Variants in PRRG4 observed in about 807,000 individuals in gnomAD.
PRRG4 encodes the protein proline rich and Gla domain 4, also known as transmembrane gamma-carboxyglutamic acid protein 4.
A neutral mutation model predicts 20.0 loss-of-function variants in PRRG4; 12 were observed. The observed-to-expected ratio is 0.60, with a 90% CI of 0.38 to 0.97. PRRG4 has a LOEUF of 0.97. Among genes scored for constraint, PRRG4 ranks in the 50% least tolerant of loss-of-function variants. The probability of loss-of-function intolerance (pLI) is 0.00; values close to 1 mark genes in which losing one functional copy is unlikely to be tolerated. For missense variants in PRRG4, 199 were observed against 265.1 expected, an observed-to-expected ratio of 0.75 and a Z score of 1.73; for synonymous variants, 94 against 96.4, an observed-to-expected ratio of 0.98 and a Z score of 0.15.
At chr11:32,839,688 AGT>A (rs71889046) in intron 4 of PRRG4, among the ~76,000 whole-genome samples, 8,039 of 128,394 alleles carry the variant, frequency 0.063, 363 homozygotes, top group Non-Finnish European at 0.085. Flanking sequence ...TTAAAATATA[AGT>A]ATTATATTTT....
chr11:32,856,290 T>C lies in PRRG4; in HGVS notation c.*2763T>C, dbSNP rs1039838706. 6 of 152,344 alleles carry C rather than the reference T, an allele frequency of 3.9e-5. No homozygotes were observed. Among genetic ancestry groups the C allele is most frequent in the African/African-American group, 1.4e-4 (6 of 41,578 alleles). 9.4% of individuals were successfully genotyped at this position (152,344 alleles called of 1,614,324 possible). On this transcript the variant is annotated 3_prime_UTR_variant, in exon 6 of 6. Transcript: ENST00000257836. ...CAAGCAGCTGCCTAGATTTGTCTAC[T>C]GCTATCATTTTGTGTAAAGCAGTTG...
chr11:32,830,163 G>C lies in PRRG4; in HGVS notation c.-33G>C. 1 of 1,025,014 alleles carries C rather than the reference G, an allele frequency of 9.8e-7. No individual in the cohort carries two copies. The highest frequency in any genetic ancestry group is 4.6e-5 in the South Asian group (1 of 21,920). 63.5% of individuals were successfully genotyped at this position (1,025,014 alleles called of 1,614,324 possible). ...CCCGGGGGCTGCTGGAACATGTGCG[G>C]GGGGACACAGGTACGAGGCCTGGCG... On this transcript the variant is annotated 5_prime_UTR_variant, in exon 1 of 6. Coordinates refer to ENST00000257836, the MANE Select transcript of PRRG4 (RefSeq NM_024081.6).
chr11:32,837,148 G>A (rs888232132), intron 3 of PRRG4, among the ~76,000 whole-genome samples: 1 of 151,230 alleles, frequency 6.6e-6, no homozygotes, highest in African/African-American at 2.4e-5. Flanking sequence ...CATTTATGGC[G>A]GAGTGAATTT....
chr11:32,829,891 C>T, upstream of PRRG4: 3 of 985,494 alleles, frequency 3.0e-6, no homozygotes, highest in Non-Finnish European at 3.6e-6. Context: ...AGGTGGGGCG[C>T]GGCCAGGTGT....
rs1253960112 is a variant in PRRG4, at chr11:32,855,454, A to G, written c.*1927A>G. ...TGATCATTGTTTATTTTGTTTTATA[A>G]TTTTTACAGGAGTGAGACTGCAAAC... is the stretch of plus-strand genomic sequence containing the variant. On this transcript the variant is annotated 3_prime_UTR_variant, in exon 6 of 6. Transcript: ENST00000257836. 1 of 152,132 alleles carries G rather than the reference A, an allele frequency of 6.6e-6. No individual in the cohort carries two copies. The highest frequency in any genetic ancestry group is 1.5e-5 in the Non-Finnish European group (1 of 68,004). The allele number at this position is 152,132 out of a possible 1,614,324, so 9.4% of individuals were successfully genotyped here. A position where few individuals can be genotyped will look rare whatever the true frequency, so the allele number is the denominator to read the frequency against.
chr11:32,830,404 C>A (rs1468385803), intron 1 of PRRG4, 104 bp from the exon 2 acceptor site: 7 of 1,015,770 alleles, frequency 6.9e-6, no homozygotes, highest in Middle Eastern at 3.4e-4. Flanking sequence ...GGCGCTCTTG[C>A]GCCTAGGCTT....
Position 32,840,371 on chromosome 11 carries a change from G to A in PRRG4, c.449+132G>A. 1.5e-6 allele frequency: 1 copy of A among 671,236 alleles called. No homozygotes were observed. Among genetic ancestry groups the A allele is most frequent in the East Asian group, 2.6e-5 (1 of 38,026 alleles). The allele number at this position is 671,236 out of a possible 1,614,324, so 41.6% of individuals were successfully genotyped here. ...TTTGGAAGAATTTTAGATGTATAGG[G>A]AAGTTGCAAAGGTTAATACAGAGAG... On this transcript the variant is annotated intron_variant, in intron 5 of 5. Coordinates refer to ENST00000257836, the MANE Select transcript of PRRG4 (RefSeq NM_024081.6). This position sits in a 1 kb window ranked among gnomAD's most constrained non-coding sequence, Gnocchi z 4.1.
In PRRG4 at chr11:32,856,165, A is replaced by C. The variant is rs1347410906; in HGVS notation, c.*2638A>C. ...TAAGATATGTATGTATCTTGCACTGAATCATAATTTGAAATATTTCATGAA... is the reference window on the plus strand; with the variant it reads ...TAAGATATGTATGTATCTTGCACTGCATCATAATTTGAAATATTTCATGAA... On this transcript the variant is annotated 3_prime_UTR_variant, in exon 6 of 6. Transcript: ENST00000257836. The C allele has an allele frequency of 6.6e-6, 1 of 152,170 alleles. No homozygotes were observed. Among genetic ancestry groups the C allele is most frequent in the Non-Finnish European group, 1.5e-5 (1 of 68,034 alleles). The allele number at this position is 152,170 out of a possible 1,614,324, so 9.4% of individuals were successfully genotyped here.
rs531609744 is a variant in PRRG4, at chr11:32,855,146, CAAAAGG to C, written c.*1624_*1629del. On this transcript the variant is annotated 3_prime_UTR_variant, in exon 6 of 6. Coordinates refer to ENST00000257836, the MANE Select transcript of PRRG4 (RefSeq NM_024081.6). ...TTGCATCTCTTAATATGTCTGAACA[CAAAAGG>C]AAAACACCATAATCATATAAACCCA... is the stretch of plus-strand genomic sequence containing the variant. 26 of 152,284 alleles carry C rather than the reference CAAAAGG, an allele frequency of 1.7e-4. 1 individual carries two copies. The East Asian group carries it at 2.9e-3, about 17-fold the overall frequency. The allele number at this position is 152,284 out of a possible 1,614,324, so 9.4% of individuals were successfully genotyped here. A position where few individuals can be genotyped will look rare whatever the true frequency, so the allele number is the denominator to read the frequency against.
At chr11:32,839,643 A>G (rs1173575504) in intron 4 of PRRG4, among the ~76,000 whole-genome samples, 1 of 145,108 alleles carries the variant, frequency 6.9e-6, no homozygotes, top group Non-Finnish European at 1.5e-5. Context: ...TATTTTGAAT[A>G]TTATTAAAAT....
chr11:32,830,487 A>G (rs1362403366), intron 1 of PRRG4, 21 bp from the exon 2 acceptor site: 3 of 1,406,690 alleles, frequency 2.1e-6, no homozygotes, highest in South Asian at 1.6e-5. Flanking sequence ...TTTTTTTAAT[A>G]TTTTTTTTTG....
intron 5 of PRRG4, among the ~76,000 whole-genome samples, chr11:32,849,339 G>A (rs1311343621): frequency 6.6e-6 from 1 of 151,980 alleles, no homozygotes; most frequent in Admixed American, 6.6e-5. Context: ...CAGCCTGGGT[G>A]GCAGAGCAAG....
At chr11:32,850,289 C>CT (rs1427551781) in intron 5 of PRRG4, among the ~76,000 whole-genome samples, 1 of 151,982 alleles carries the variant, frequency 6.6e-6, no homozygotes, top group East Asian at 1.9e-4. Flanking sequence ...CACCTTTTAC[C>CT]TTTTTTTTCC....
intron 2 of PRRG4, among the ~76,000 whole-genome samples, chr11:32,833,719 A>C (rs1850995649): frequency 6.6e-6 from 1 of 152,220 alleles, no homozygotes; most frequent in Admixed American, 6.5e-5. Context: ...GAGTTTGTTC[A>C]TTCAGTCAGT....
In PRRG4 at chr11:32,853,735, G is replaced by A. The variant is rs181339218; in HGVS notation, c.*208G>A. Reference sequence around the variant, plus strand: ...CCCACCTACTTGGGAGGCTGAAGCAGGAGAATTGCTCGAACCTGGGAGGCA... The same window carrying A: ...CCCACCTACTTGGGAGGCTGAAGCAAGAGAATTGCTCGAACCTGGGAGGCA... On this transcript the variant is annotated 3_prime_UTR_variant, in exon 6 of 6. Coordinates refer to ENST00000257836, the MANE Select transcript of PRRG4 (RefSeq NM_024081.6). The A allele has an allele frequency of 3.6e-5, 18 of 497,474 alleles. No individual in the cohort carries two copies. The highest frequency in any genetic ancestry group is 6.7e-5 in the Admixed American group (2 of 30,044). The allele number at this position is 497,474 out of a possible 1,614,324, so 30.8% of individuals were successfully genotyped here. A position where few individuals can be genotyped will look rare whatever the true frequency, so the allele number is the denominator to read the frequency against.
At chr11:32,842,440 G>A (rs1214971669) in intron 5 of PRRG4, among the ~76,000 whole-genome samples, 1 of 152,142 alleles carries the variant, frequency 6.6e-6, no homozygotes, top group East Asian at 1.9e-4. Flanking sequence ...AAGAAGCTTG[G>A]CTGGGAGCAG....
chr11:32,851,076 A>T (rs575600963), intron 5 of PRRG4, among the ~76,000 whole-genome samples: 101 of 151,862 alleles, frequency 6.7e-4, no homozygotes, highest in African/African-American at 2.2e-3. Flanking sequence ...TCAGTCGCAA[A>T]AATAATAATA....
chr11:32,837,544 T>TGATG (rs1565113910), intron 3 of PRRG4, among the ~76,000 whole-genome samples: 99 of 81,256 alleles, frequency 1.2e-3, no homozygotes, highest in African/African-American at 3.3e-3. Flanking sequence ...TGATGATGAT[T>TGATG]ATTATTATTA....
At chr11:32,843,523 T>C (rs1851098616) in intron 5 of PRRG4, among the ~76,000 whole-genome samples, 1 of 151,960 alleles carries the variant, frequency 6.6e-6, no homozygotes, top group South Asian at 2.1e-4. Context: ...ATTTTATGTT[T>C]TCAAAAGAAA....
Sources: gnomAD v4.1 joint callset for allele counts (sites outside exome capture counted in the v4.1 genomes callset) on GRCh38, gnomAD v4.1.1 for gene constraint, Gnocchi (gnomAD v3.1) non-coding constraint, MANE v1.5 for transcripts, NCBI Gene and HGNC (gene_info 2026-07-23, HGNC 2026-07-21) for gene names.